Variants in C22orf31 observed in about 807,000 individuals in gnomAD.
C22orf31 encodes the protein chromosome 22 open reading frame 31, also known as uncharacterized protein C22orf31.
In C22orf31, 11 loss-of-function variants were observed where a neutral mutation model predicts 15.0. The ratio of observed to expected loss-of-function variants is 0.73; its 90% CI spans 0.46 to 1.21. C22orf31 has a LOEUF of 1.21. Ranked by LOEUF, C22orf31 falls within the 50% of genes most tolerant of loss-of-function variation. C22orf31 has a pLI of 0.00. For synonymous variants in C22orf31, 132 were observed against 133.3 expected (o/e 0.99, Z 0.07); for missense variants, 340 against 347.2 (o/e 0.98, Z 0.17).
Position 29,061,678 on chromosome 22 carries a change from A to G in C22orf31, c.3+112T>C, listed in dbSNP as rs6005978. ...GAAAACATTAATGCTGCCGGCCTCC[A>G]TTTCCTGGGACCAACTAAGAGCAAC... is the stretch of plus-strand genomic sequence containing the variant. On this transcript the variant is annotated intron_variant, in intron 1 of 2. Coordinates refer to ENST00000216071, the MANE Select transcript of C22orf31 (RefSeq NM_015370.2). 1.2e-3 allele frequency: 919 copies of G among 775,312 alleles called. 8 individuals are homozygous for G. In the African/African-American group the frequency reaches 0.014, roughly 12 times the overall value. 48.0% of individuals were successfully genotyped at this position (775,312 alleles called of 1,614,324 possible).
At chr22:29,070,870 G>C in the C22orf31 span, among the ~76,000 whole-genome samples, 3 of 152,198 alleles carry the variant, frequency 2.0e-5, no homozygotes, top group East Asian at 5.8e-4. Flanking sequence ...TGACTAGAAT[G>C]TAAGTTCCAA....
intron 2 of C22orf31, chr22:29,060,021 C>CTTTT (rs60208241): frequency 6.7e-4 from 364 of 541,508 alleles, no homozygotes; most frequent in African/African-American, 2.2e-3. Flanking sequence ...TTTTTCTTTT[C>CTTTT]TTTTTTTTTT....
Position 29,058,926 on chromosome 22 carries a change from C to T in C22orf31, c.689G>A (p.Gly230Glu), listed in dbSNP as rs750985136. 1.9e-6 allele frequency: 3 copies of T among 1,614,146 alleles called. No homozygotes were observed. The highest frequency in any genetic ancestry group is 2.5e-6 in the Non-Finnish European group (3 of 1,180,028). Reference sequence around the variant, plus strand: ...CTCCAGGCTGTACCTCTTGGGGGTCCCTGAAGGATTCCACAGCATTGGCTC... The same window carrying T: ...CTCCAGGCTGTACCTCTTGGGGGTCTCTGAAGGATTCCACAGCATTGGCTC... Reference protein sequence around the residue: ...VVEPMLWNPSGTPKRYSLELG... With the variant: ...VVEPMLWNPSETPKRYSLELG... The change falls in exon 3 of 3, where the codon GGG (glycine) becomes GAG (glutamate). Residue 230 changes from glycine to glutamate, a missense_variant. Coordinates refer to ENST00000216071, the MANE Select transcript of C22orf31 (RefSeq NM_015370.2).
At chr22:29,067,177 T>C in the C22orf31 span, among the ~76,000 whole-genome samples, 2 of 152,058 alleles carry the variant, frequency 1.3e-5, no homozygotes, top group East Asian at 3.9e-4. Context: ...CATTTAGATG[T>C]TAAAAAATTA....
chr22:29,070,097 C>T, the C22orf31 span, among the ~76,000 whole-genome samples: 1 of 152,056 alleles, frequency 6.6e-6, no homozygotes, highest in Admixed American at 6.5e-5. Flanking sequence ...AGGCACCTAC[C>T]GCCAAGCCCG....
At chr22:29,069,592 T>C in the C22orf31 span, among the ~76,000 whole-genome samples, 1 of 152,134 alleles carries the variant, frequency 6.6e-6, no homozygotes, top group African/African-American at 2.4e-5. Context: ...AGCACTGAAA[T>C]GAGTATCCCG....
the C22orf31 span, chr22:29,073,064 C>A: frequency 5.3e-6 from 2 of 375,032 alleles, no homozygotes; most frequent in Non-Finnish European, 7.3e-6. This position sits in a 1 kb window ranked among gnomAD's most constrained non-coding sequence, Gnocchi z 4.4. Flanking sequence ...CTCCCATGGC[C>A]GCCCCCGGCT....
rs1261285321 is a variant in C22orf31 at position 29,060,664 on chromosome 22, A to G, written c.183T>C (p.Ser61=). 10 of 1,614,066 alleles carry G rather than the reference A, an allele frequency of 6.2e-6. No individual in the cohort carries two copies. Among genetic ancestry groups the G allele is most frequent in the South Asian group, 1.1e-5 (1 of 91,082 alleles). The change falls in exon 2 of 3, where the codon TCT becomes TCC. Residue 61 remains serine, a synonymous_variant. Transcript: ENST00000216071. ...TTAATGGGTTCCTTACAACTTCCCA[A>G]GAGGAAGTGGTAGCTGGTGCTGGGG... ...INAPAPATTS[S]WEVVRNPLIA...
In C22orf31 at chr22:29,060,643, TG is replaced by T. The variant is rs777427715; in HGVS notation, c.203del (p.Pro68HisfsTer2). The T allele has an allele frequency of 2.5e-6, 4 of 1,613,992 alleles. No individual in the cohort carries two copies. The highest frequency in any genetic ancestry group is 3.4e-6 in the Non-Finnish European group (4 of 1,179,986). On this transcript the variant is annotated frameshift_variant, in exon 2 of 3. Transcript: ENST00000216071. LOFTEE classifies it high-confidence loss of function. ...CCAGGGAGAAGGAACTGGCAATTAATGGGTTCCTTACAACTTCCCAAGAGGA... is the reference window on the plus strand; with the variant it reads ...CCAGGGAGAAGGAACTGGCAATTAATGGTTCCTTACAACTTCCCAAGAGGA... Reference protein sequence around the residue: ...TTSSWEVVRNPLIASSFSLVK... With the variant: ...TTSSWEVVRNXLIASSFSLVK...
In C22orf31 at chr22:29,059,186, G is replaced by A. The variant is rs768322801; in HGVS notation, c.433-4C>T. The A allele has an allele frequency of 6.3e-7, 1 of 1,583,358 alleles. No homozygotes were observed. Among genetic ancestry groups the A allele is most frequent in the Non-Finnish European group, 8.6e-7 (1 of 1,166,186 alleles). On this transcript the variant is annotated splice_region_variant and splice_polypyrimidine_tract_variant and intron_variant, in intron 2 of 2. Coordinates refer to ENST00000216071, the MANE Select transcript of C22orf31 (RefSeq NM_015370.2). ...TCTCCTTTGAACTTTCTTTACTCTA[G>A]CCAGGAAGAAAGCAGAGAAGTCAAA...
At chr22:29,060,382 G>T (rs760943477) in intron 2 of C22orf31, 33 bp downstream of exon 2, 74 of 1,573,392 alleles carry the variant, frequency 4.7e-5, no homozygotes, top group Non-Finnish European at 6.4e-5. Flanking sequence ...CCCCTCGCCA[G>T]TCACATTTTC....
At chr22:29,064,981 G>A (rs190734788), upstream of C22orf31, among the ~76,000 whole-genome samples, 32 of 152,060 alleles carry the variant, frequency 2.1e-4, no homozygotes, top group African/African-American at 6.8e-4. Context: ...AGCCTCCCGA[G>A]TAGCTGAGAT....
In C22orf31 at chr22:29,059,651, G is replaced by A. The variant is rs912877783; in HGVS notation, c.433-469C>T. On this transcript the variant is annotated intron_variant, in intron 2 of 2. Transcript: ENST00000216071. ...CAGTCCGAGTTGGGATTTGAACCCT[G>A]ATGGCCTGCTGGCCACCACGGGGTA... The A allele has an allele frequency of 6.3e-5, 62 of 981,690 alleles. No homozygotes were observed. The African/African-American group carries it at 1.0e-3, about 17-fold the overall frequency. 60.8% of individuals were successfully genotyped at this position (981,690 alleles called of 1,614,324 possible).
chr22:29,068,385 C>T, the C22orf31 span, among the ~76,000 whole-genome samples: 1 of 151,222 alleles, frequency 6.6e-6, no homozygotes, highest in Non-Finnish European at 1.5e-5. Flanking sequence ...CCATCCTGCC[C>T]GGGCTCAAGA....
intron 1 of C22orf31, among the ~76,000 whole-genome samples, chr22:29,061,119 G>A (rs1428713403): frequency 6.6e-6 from 1 of 152,180 alleles, no homozygotes; most frequent in East Asian, 1.9e-4. Flanking sequence ...GGTTCACAAG[G>A]AATTGAAGAC....
the C22orf31 span, among the ~76,000 whole-genome samples, chr22:29,070,568 C>T: frequency 6.6e-6 from 1 of 152,208 alleles, no homozygotes. Flanking sequence ...TCCTGCTTTG[C>T]TGAAGTCTTT....
At chr22:29,064,699 TTTTTTTTTTTTTTTTTTTTTTTG>T, upstream of C22orf31, among the ~76,000 whole-genome samples, 3 of 102,666 alleles carry the variant, frequency 2.9e-5, no homozygotes, top group Admixed American at 2.0e-4. Context: ...TTTTTTTTTT[TTTTTTTTTTTTTTTTTTTTTTTG>T]TAGAGATGAG....
At chr22:29,073,290 C>A in the C22orf31 span, 1 of 728,236 alleles carries the variant, frequency 1.4e-6, no homozygotes, top group Non-Finnish European at 1.8e-6. The surrounding 1 kb of genome is among the most constrained non-coding windows in gnomAD (Gnocchi z 4.4). Flanking sequence ...GCGACAAGGG[C>A]CGGCCGGCCT....
chr22:29,062,637 C>T (rs1190395494), upstream of C22orf31, among the ~76,000 whole-genome samples: 1 of 152,074 alleles, frequency 6.6e-6, no homozygotes, highest in East Asian at 1.9e-4. Flanking sequence ...GATGGAAAAA[C>T]AGAGTATGAA....
Sources: gnomAD v4.1 joint callset for allele counts (sites outside exome capture counted in the v4.1 genomes callset) on GRCh38, gnomAD v4.1.1 for gene constraint, Gnocchi (gnomAD v3.1) non-coding constraint, MANE v1.5 for transcripts, NCBI Gene and HGNC (gene_info 2026-07-23, HGNC 2026-07-21) for gene names.